Variants in MAF observed in about 807,000 individuals in gnomAD.
The protein encoded by MAF is MAF bZIP transcription factor.
A neutral mutation model predicts 22.0 loss-of-function variants in MAF; 10 were observed. The ratio of observed to expected loss-of-function variants is 0.45; its 90% CI spans 0.28 to 0.77. MAF has a LOEUF of 0.77. Ranked by LOEUF, MAF falls within the 30% of genes least tolerant of loss-of-function variation. MAF has a pLI of 0.12. For synonymous variants in MAF, 337 were observed against 255.8 expected (o/e 1.32, Z -3.03); for missense variants, 544 against 548.4 (o/e 0.99, Z 0.08).
chr16:79,314,611 G>C, the MAF span, among the ~76,000 whole-genome samples: 2 of 152,200 alleles, frequency 1.3e-5, no homozygotes, highest in African/African-American at 4.8e-5. Flanking sequence ...AGTTTGGCAA[G>C]GTAAGCCAGA....
At chr16:79,476,495 A>T in the MAF span, among the ~76,000 whole-genome samples, 3 of 152,320 alleles carry the variant, frequency 2.0e-5, no homozygotes, top group Admixed American at 6.5e-5. Flanking sequence ...AGTGAAGTGC[A>T]TTTCTTAAGA....
the MAF span, among the ~76,000 whole-genome samples, chr16:79,210,575 C>CTCA: frequency 6.6e-6 from 1 of 152,192 alleles, no homozygotes; most frequent in South Asian, 2.1e-4. Flanking sequence ...CCCTCTCCCT[C>CTCA]TCATCAGCTG....
At chr16:79,492,746 T>C in the MAF span, among the ~76,000 whole-genome samples, 1 of 152,004 alleles carries the variant, frequency 6.6e-6, no homozygotes, top group Non-Finnish European at 1.5e-5. Flanking sequence ...ATAAACATAC[T>C]CATGGGAGAA....
At chr16:79,463,338 A>G in the MAF span, among the ~76,000 whole-genome samples, 2 of 152,308 alleles carry the variant, frequency 1.3e-5, no homozygotes, top group Non-Finnish European at 2.9e-5. Flanking sequence ...TTACATTTTA[A>G]TAAGATCACT....
the MAF span, among the ~76,000 whole-genome samples, chr16:79,365,384 G>A: frequency 2.0e-5 from 3 of 152,168 alleles, no homozygotes; most frequent in Non-Finnish European, 2.9e-5. Flanking sequence ...AGAAAGTGGA[G>A]TTGAAAACAA....
At chr16:79,542,619 C>T in the MAF span, among the ~76,000 whole-genome samples, 1 of 152,232 alleles carries the variant, frequency 6.6e-6, no homozygotes. Flanking sequence ...GTGGCCAGAT[C>T]TGATGACCTT....
chr16:79,359,455 G>A, the MAF span, among the ~76,000 whole-genome samples: 10 of 152,158 alleles, frequency 6.6e-5, no homozygotes, highest in African/African-American at 2.4e-4. Flanking sequence ...CTAATGCACT[G>A]TCCTCAAAGT....
At chr16:79,453,860 G>C in the MAF span, among the ~76,000 whole-genome samples, 15 of 152,248 alleles carry the variant, frequency 9.9e-5, no homozygotes, top group East Asian at 2.9e-3. Context: ...AGAAGATGTG[G>C]ATTAAACACA....
the MAF span, among the ~76,000 whole-genome samples, chr16:79,472,222 T>G: frequency 6.6e-6 from 1 of 152,200 alleles, no homozygotes; most frequent in African/African-American, 2.4e-5. Context: ...ATTACAGGGC[T>G]AAATTGACAA....
At chr16:79,328,967 C>G in the MAF span, among the ~76,000 whole-genome samples, 2 of 152,158 alleles carry the variant, frequency 1.3e-5, no homozygotes, top group Non-Finnish European at 2.9e-5. Context: ...TTGTGTCTGT[C>G]TTTAGCTCTT....
chr16:79,296,695 C>T, the MAF span, among the ~76,000 whole-genome samples: 4 of 151,834 alleles, frequency 2.6e-5, no homozygotes, highest in East Asian at 7.7e-4. Context: ...AATTCCTCAC[C>T]TGCCCCAGGG....
At chr16:79,330,757 T>A in the MAF span, among the ~76,000 whole-genome samples, 1 of 152,222 alleles carries the variant, frequency 6.6e-6, no homozygotes, top group Non-Finnish European at 1.5e-5. Context: ...TCAGCTCCTC[T>A]AAGCAGGAAT....
chr16:79,532,042 C>T, the MAF span, among the ~76,000 whole-genome samples: 1 of 152,130 alleles, frequency 6.6e-6, no homozygotes, highest in African/African-American at 2.4e-5. Context: ...TTCAGATAAC[C>T]AATAAGAATT....
the MAF span, among the ~76,000 whole-genome samples, chr16:79,334,585 G>T: frequency 1.3e-5 from 2 of 152,138 alleles, no homozygotes. Flanking sequence ...AAATGAAAAC[G>T]AGGGGTCTCT....
chr16:79,257,305 A>T, the MAF span, among the ~76,000 whole-genome samples: 1 of 152,190 alleles, frequency 6.6e-6, no homozygotes, highest in Non-Finnish European at 1.5e-5. Flanking sequence ...TGATTAAATA[A>T]CGTGTTATCA....
chr16:79,285,020 A>T, the MAF span, among the ~76,000 whole-genome samples: 17 of 152,322 alleles, frequency 1.1e-4, no homozygotes, highest in African/African-American at 4.1e-4. Context: ...AAATTTGCCA[A>T]CCAAACTCAG....
the MAF span, among the ~76,000 whole-genome samples, chr16:79,502,494 T>C: frequency 2.0e-5 from 3 of 151,586 alleles, no homozygotes; most frequent in Non-Finnish European, 2.9e-5. Flanking sequence ...GGCTAAACCC[T>C]GTGTCTACAA....
the MAF span, among the ~76,000 whole-genome samples, chr16:79,287,867 G>C: frequency 6.6e-6 from 1 of 151,980 alleles, no homozygotes; most frequent in Non-Finnish European, 1.5e-5. Context: ...TCTGTGTTAG[G>C]CAGTCACCAA....
Position 79,599,255 on chromosome 16 carries a change from C to G in MAF, c.648G>C (p.Ala216=). ...CAGCGCTGGCCGGGCCACCGCCGCC[C>G]GCGCCCCCAGCGCCACCGGCCGAGG... ...AAASAGGAGG[A]GGGGPASAGG... is the part of the protein sequence containing the mutation. Residue 216 remains alanine (A), a synonymous_variant, in exon 1 of 2, where the codon GCG becomes GCC. Coordinates refer to ENST00000326043, the MANE Select transcript of MAF (RefSeq NM_005360.5). 1.0e-6 allele frequency: 1 copy of G among 978,238 alleles called. No individual in the cohort carries two copies. The highest frequency in any genetic ancestry group is 1.2e-6 in the Non-Finnish European group (1 of 827,242). The allele number at this position is 978,238 out of a possible 1,614,324, so 60.6% of individuals were successfully genotyped here.
Sources: allele counts gnomAD v4.1 joint callset (sites outside exome capture counted in the v4.1 genomes callset), GRCh38; gene constraint gnomAD v4.1.1; transcripts MANE v1.5; gene names NCBI Gene and HGNC (gene_info 2026-07-23, HGNC 2026-07-21).